Variants in ST7L observed in about 807,000 individuals in gnomAD.
ST7L encodes the protein suppression of tumorigenicity 7 like.
ST7L carries 57 observed loss-of-function variants against 72.5 expected under a neutral mutation model. The ratio of observed to expected loss-of-function variants is 0.79; its 90% CI spans 0.64 to 0.98. The LOEUF (loss-of-function observed/expected upper bound fraction) is 0.98, where lower values mean the gene tolerates loss of function less well. Among genes scored for constraint, ST7L ranks in the 50% least tolerant of loss-of-function variants. The pLI, the probability that ST7L is intolerant of heterozygous loss-of-function variation, is 0.00. For missense variants in ST7L, 576 were observed against 672.2 expected (o/e 0.86, Z 1.58); for synonymous variants, 221 against 240.9 (o/e 0.92, Z 0.77).
intron 11 of ST7L, among the ~76,000 whole-genome samples, chr1:112,570,374 A>T (rs1007011012): frequency 7.2e-5 from 11 of 152,066 alleles, no homozygotes; most frequent in African/African-American, 2.7e-4. Context: ...TTGCACTTCT[A>T]ATAGTTTCCA....
chr1:112,556,949 A>T (rs1194765014), intron 11 of ST7L, among the ~76,000 whole-genome samples: 1 of 133,864 alleles, frequency 7.5e-6, no homozygotes, highest in Non-Finnish European at 1.6e-5. Context: ...GCCTGGCGAC[A>T]GAGCGAGACT....
In ST7L at chr1:112,619,096, G is replaced by C; in HGVS notation, c.18C>G (p.Gly6=). 1 of 1,613,400 alleles carries C rather than the reference G, an allele frequency of 6.2e-7. No homozygotes were observed. The highest frequency in any genetic ancestry group is 8.5e-7 in the Non-Finnish European group (1 of 1,179,900). MADRG[G]VGEAAAVGAS... is the part of the protein sequence containing the mutation. ...CTCCAACAGCTGCGGCTTCACCCAC[G>C]CCGCCACGGTCCGCCATCTTGCCGC... The change falls in exon 1 of 15, where the codon GGC becomes GGG. Residue 6 remains glycine, a synonymous_variant. Coordinates refer to ENST00000358039, the MANE Select transcript of ST7L (RefSeq NM_017744.5).
In ST7L at chr1:112,598,083, G is replaced by A. The variant is rs1475123610; in HGVS notation, c.510C>T (p.Tyr170=). 3 of 1,609,028 alleles carry A rather than the reference G, an allele frequency of 1.9e-6. No individual in the cohort carries two copies. Among genetic ancestry groups the A allele is most frequent in the South Asian group, 1.1e-5 (1 of 90,372 alleles). Reference sequence around the variant, plus strand: ...GTGGCTCTTTACCAGTCACCCAAGTGTATCTTTACCAAAACACAACAAAAT... The same window carrying A: ...GTGGCTCTTTACCAGTCACCCAAGTATATCTTTACCAAAACACAACAAAAT... ...NLFRGAEYRR[Y]TWVTGKEPLT... The change falls in exon 5 of 15, where the codon TAC becomes TAT. Residue 170 remains tyrosine, a synonymous_variant. Coordinates refer to ENST00000358039, the MANE Select transcript of ST7L (RefSeq NM_017744.5).
chr1:112,590,368 T>C (rs1665510560), intron 6 of ST7L, among the ~76,000 whole-genome samples: 1 of 152,274 alleles, frequency 6.6e-6, no homozygotes, highest in Non-Finnish European at 1.5e-5. Context: ...TAGGTGTTTT[T>C]CCCCTTGATT....
intron 13 of ST7L, among the ~76,000 whole-genome samples, chr1:112,544,663 T>G (rs183883518): frequency 6.6e-6 from 1 of 152,372 alleles, no homozygotes; most frequent in Admixed American, 6.5e-5. Context: ...CTATATAGCA[T>G]TTTATGGTTT....
At position 112,591,532 on chromosome 1, in the gene ST7L, T is replaced by A; in HGVS notation, c.694A>T (p.Asn232Tyr). The change falls in exon 6 of 15, where the codon AAC (asparagine) becomes TAC (tyrosine). Residue 232 changes from asparagine to tyrosine, a missense_variant. By Grantham distance (143) the Asn-to-Tyr change is moderately radical. This residue lies in a region of ST7L where 511 missense variants were observed against 600.7 expected (regional missense o/e 0.85). Coordinates refer to ENST00000358039, the MANE Select transcript of ST7L (RefSeq NM_017744.5). ...CATATATTTCAAACTTACTCATTGT[T>A]TAATTCTAAAGCTTGATAGGCTGCT... ...IKAAYQALEL[N>Y]NDCATAYVLL... 1 of 1,609,804 alleles carries A rather than the reference T, an allele frequency of 6.2e-7. No homozygotes were observed. Among genetic ancestry groups the A allele is most frequent in the Non-Finnish European group, 8.5e-7 (1 of 1,179,110 alleles).
intron 2 of ST7L, 92 bp downstream of exon 2, chr1:112,616,721 C>A (rs1224037478): frequency 2.9e-5 from 25 of 862,710 alleles, no homozygotes; most frequent in South Asian, 4.6e-5. Flanking sequence ...CCAGCCTGGG[C>A]GACAGAGCAA....
At chr1:112,523,147 C>CTA (rs1253412616), downstream of ST7L, 3 of 152,224 alleles carry the variant, frequency 2.0e-5, no homozygotes, top group Admixed American at 1.3e-4. Flanking sequence ...TTAAATCTAC[C>CTA]TATACCCTAC....
At chr1:112,589,500 G>C (rs1364385390) in intron 6 of ST7L, among the ~76,000 whole-genome samples, 2 of 152,158 alleles carry the variant, frequency 1.3e-5, no homozygotes, top group Admixed American at 1.3e-4. Flanking sequence ...CAACTCTAGA[G>C]ACATAATTTT....
chr1:112,558,086 A>G (rs544443028), intron 11 of ST7L, among the ~76,000 whole-genome samples: 11 of 152,332 alleles, frequency 7.2e-5, no homozygotes, highest in African/African-American at 2.2e-4. Flanking sequence ...GCTAAATACT[A>G]TCTCCAAAGA....
At chr1:112,544,965 T>A (rs1339599544) in intron 13 of ST7L, among the ~76,000 whole-genome samples, 5 of 152,146 alleles carry the variant, frequency 3.3e-5, no homozygotes, top group African/African-American at 1.2e-4. Context: ...AGAGAAAAAT[T>A]TATCAGAAGG....
chr1:112,525,832 G>C lies in ST7L; in HGVS notation c.*181C>G, dbSNP rs571596102. The stretch of plus-strand genomic sequence containing the variant: ...TCATCTACAGTTGTCCTTTTTGACA[G>C]CTTCCAAGGGGGGTTTGCCTAGGAA... On this transcript the variant is annotated 3_prime_UTR_variant, in exon 15 of 15. Transcript: ENST00000358039. 5 of 728,440 alleles carry C rather than the reference G, an allele frequency of 6.9e-6. No individual in the cohort carries two copies. The highest frequency in any genetic ancestry group is 5.8e-5 in the East Asian group (2 of 34,278). 45.1% of individuals were successfully genotyped at this position (728,440 alleles called of 1,614,324 possible).
intron 6 of ST7L, among the ~76,000 whole-genome samples, chr1:112,585,039 C>T (rs1664672840): frequency 2.0e-5 from 3 of 152,166 alleles, no homozygotes; most frequent in South Asian, 4.1e-4. Context: ...TCAGGTCCTT[C>T]CTCCTACACT....
At chr1:112,601,307 G>A (rs1308733413) in intron 3 of ST7L, among the ~76,000 whole-genome samples, 1 of 152,018 alleles carries the variant, frequency 6.6e-6, no homozygotes, top group African/African-American at 2.4e-5. Context: ...GTACAGTGGC[G>A]CAATCTCAGC....
rs371076897 is a variant in ST7L, at chr1:112,595,688, G to A, written c.622+2283C>T. 2.0e-5 allele frequency among the ~76,000 whole-genome samples: 3 copies of A among 152,024 alleles called. No homozygotes were observed. The East Asian group carries it at 5.8e-4, about 29-fold the overall frequency. ...CCTACCTTGGCCTCTCAAAGTGCTG[G>A]GATTACAGGCATAAGCCACTGTCCT... On this transcript the variant is annotated intron_variant, in intron 5 of 14. Coordinates refer to ENST00000358039, the MANE Select transcript of ST7L (RefSeq NM_017744.5).
At chr1:112,530,990 T>A (rs951151864) in intron 14 of ST7L, among the ~76,000 whole-genome samples, 4 of 152,218 alleles carry the variant, frequency 2.6e-5, no homozygotes, top group African/African-American at 9.7e-5. Context: ...ACATGATGTG[T>A]GCCTATTTTC....
At chr1:112,591,854 A>C (rs905616033) in intron 5 of ST7L, among the ~76,000 whole-genome samples, 1 of 152,156 alleles carries the variant, frequency 6.6e-6, no homozygotes, top group Non-Finnish European at 1.5e-5. Context: ...AAACAAGTTA[A>C]TTATATCATT....
At chr1:112,521,282 G>A (rs1193857439), downstream of ST7L, 2 of 146,626 alleles carry the variant, frequency 1.4e-5, no homozygotes, top group Non-Finnish European at 3.0e-5. Flanking sequence ...ATAGATTAAT[G>A]TAGTAAGTCT....
At chr1:112,579,405 A>T (rs1056761995) in intron 9 of ST7L, among the ~76,000 whole-genome samples, 8 of 142,558 alleles carry the variant, frequency 5.6e-5, no homozygotes, top group Admixed American at 2.8e-4. Context: ...AAAAAACAAT[A>T]AAAAAAAAAC....
Sources: gnomAD v4.1 joint callset for allele counts (sites outside exome capture counted in the v4.1 genomes callset) on GRCh38, gnomAD v4.1.1 for gene constraint, gnomAD v4.1.1 regional missense constraint, MANE v1.5 for transcripts, NCBI Gene and HGNC (gene_info 2026-07-23, HGNC 2026-07-21) for gene names.